VWA5A: variants seen among roughly 807,000 people sequenced by gnomAD.
The protein encoded by VWA5A is von Willebrand factor A domain containing 5A, also known as von Willebrand factor A domain-containing protein 5A.
A neutral mutation model predicts 84.6 loss-of-function variants in VWA5A; 77 were observed. The ratio of observed to expected loss-of-function variants is 0.91; its 90% confidence interval spans 0.76 to 1.10. The LOEUF is 1.10. Ranked by LOEUF, VWA5A falls within the 50% of genes least tolerant of loss-of-function variation. The pLI, the probability that VWA5A is intolerant of heterozygous loss-of-function variation, is 0.00. For synonymous variants in VWA5A, 334 were observed against 350.1 expected (o/e 0.95, Z 0.51); for missense variants, 973 against 963.0 (o/e 1.01, Z -0.14).
chr11:124,131,889 T>C (rs1484359369), intron 11 of VWA5A, among the ~76,000 whole-genome samples: 2 of 151,978 alleles, frequency 1.3e-5, no homozygotes, highest in African/African-American at 4.8e-5. Flanking sequence ...CTTATTTTAT[T>C]CTGGACCTCA....
At chr11:124,124,535 A>T (rs991685066) in intron 11 of VWA5A, 1 of 1,289,984 alleles carries the variant, frequency 7.8e-7, no homozygotes, top group Non-Finnish European at 9.8e-7. Flanking sequence ...TTCTTTCTAA[A>T]CTACAACGAA....
intron 18 of VWA5A, 92 bp from the exon 19 acceptor site, chr11:124,145,773 TA>T: frequency 7.6e-7 from 1 of 1,317,234 alleles, no homozygotes; most frequent in Non-Finnish European, 1.0e-6. Flanking sequence ...TGAGGACAGA[TA>T]AAAGCACAAC....
At chr11:124,145,526 T>A (rs1239825888) in intron 18 of VWA5A, among the ~76,000 whole-genome samples, 163 bp downstream of exon 18, 3 of 151,512 alleles carry the variant, frequency 2.0e-5, no homozygotes, top group Non-Finnish European at 4.4e-5. Flanking sequence ...AAATATTAAA[T>A]TGGGGACAAG....
At chr11:124,136,532 A>G in intron 13 of VWA5A, 42 bp from the exon 14 acceptor site, 1 of 1,590,438 alleles carries the variant, frequency 6.3e-7, no homozygotes, top group African/African-American at 1.3e-5. Context: ...GATGATCAGA[A>G]CATTACATGT....
chr11:124,145,225 T>C lies in VWA5A; in HGVS notation c.2155-12T>C. 6.2e-7 allele frequency: 1 copy of C among 1,608,118 alleles called. No homozygotes were observed. Among genetic ancestry groups the C allele is most frequent in the Non-Finnish European group, 8.5e-7 (1 of 1,177,078 alleles). On this transcript the variant is annotated splice_polypyrimidine_tract_variant and intron_variant, in intron 17 of 18. Transcript: ENST00000456829. ...TTCCTGTGCCAACTGGAGCTCTCTA[T>C]CTACTGTGCAGCTTGTGGATTCCTC...
In VWA5A at chr11:124,123,137, T is replaced by G; in HGVS notation, c.930+8T>G. ...CGAATACAGGCAGCCAAGGTAAAGC[T>G]AGTTTCTTTCCTCTTCTGGGTCACA... On this transcript the variant is annotated splice_region_variant and intron_variant, in intron 8 of 18. Transcript: ENST00000456829. 6.2e-7 allele frequency: 1 copy of G among 1,608,394 alleles called. No individual in the cohort carries two copies. Among genetic ancestry groups the G allele is most frequent in the Non-Finnish European group, 8.5e-7 (1 of 1,178,306 alleles).
In VWA5A at chr11:124,136,637, A is replaced by G; in HGVS notation, c.1588A>G (p.Lys530Glu). The G allele has an allele frequency of 6.2e-7, 1 of 1,614,090 alleles. No individual in the cohort carries two copies. The highest frequency in any genetic ancestry group is 8.5e-7 in the Non-Finnish European group (1 of 1,180,010). The change falls in exon 14 of 19, where the codon AAG becomes GAG. Residue 530 changes from lysine (K) to glutamate (E), a missense_variant. Coordinates refer to ENST00000456829, the MANE Select transcript of VWA5A (RefSeq NM_001130142.2). ...YTLQGKTFED[K>E]VTFPLQPKPD... ...ACTCCAGGGCAAGACTTTTGAGGATAAGGTGACATTTCCTCTACAACCCAA... is the reference window on the plus strand; with the variant it reads ...ACTCCAGGGCAAGACTTTTGAGGATGAGGTGACATTTCCTCTACAACCCAA...
rs770421218 is a variant in VWA5A at position 124,123,456 on chromosome 11, T to A, written c.1019+2T>A. 6.2e-7 allele frequency: 1 copy of A among 1,613,718 alleles called. No homozygotes were observed. The highest frequency in any genetic ancestry group is 8.5e-7 in the Non-Finnish European group (1 of 1,179,760). On this transcript the variant is annotated splice_donor_variant, in intron 9 of 18. Coordinates refer to ENST00000456829, the MANE Select transcript of VWA5A (RefSeq NM_001130142.2). LOFTEE classifies it high-confidence loss of function. ...CTCTTCCTATGAGGCATGCTTTCCG[T>A]AAGTTTCTGGAAAGACAATAGGGAG...
At chr11:124,133,946 T>G (rs991582352) in intron 11 of VWA5A, among the ~76,000 whole-genome samples, 1 of 152,240 alleles carries the variant, frequency 6.6e-6, no homozygotes, top group Non-Finnish European at 1.5e-5. Flanking sequence ...GGTCTGTCAC[T>G]TTGTTGCCTA....
chr11:124,124,209 C>A (rs754205294), intron 10 of VWA5A, 28 bp from the exon 11 acceptor site: 1 of 1,604,730 alleles, frequency 6.2e-7, no homozygotes, highest in East Asian at 2.2e-5. Flanking sequence ...TGACAAAGAC[C>A]TGATGAACAT....
intron 15 of VWA5A, among the ~76,000 whole-genome samples, chr11:124,138,788 C>T (rs1311202954): frequency 6.6e-6 from 1 of 152,082 alleles, no homozygotes; most frequent in African/African-American, 2.4e-5. Context: ...GAGGTAACCT[C>T]GTTTATCTAT....
At chr11:124,136,820 T>G in intron 14 of VWA5A, 146 bp downstream of exon 14, 1 of 975,668 alleles carries the variant, frequency 1.0e-6, no homozygotes, top group Non-Finnish European at 1.5e-6. Context: ...GGGGATTAGA[T>G]TTCTTCTCTT....
Position 124,118,287 on chromosome 11 carries a change from T to C in VWA5A, c.345T>C (p.Gly115=), listed in dbSNP as rs780239065. The change falls in exon 5 of 19, where the codon GGT becomes GGC. Residue 115 remains glycine (G), a synonymous_variant. Transcript: ENST00000456829. ...SSRDVFSCNV[G]NLQPGSKAAV... The stretch of plus-strand genomic sequence containing the variant: ...GGGATGTCTTCTCTTGCAATGTGGG[T>C]AACCTCCAACCTGGGTCGAAGGCGG... The C allele has an allele frequency of 6.8e-6, 11 of 1,614,040 alleles. No individual in the cohort carries two copies. Among genetic ancestry groups the C allele is most frequent in the Admixed American group, 3.3e-5 (2 of 60,000 alleles).
rs368651797 is a variant in VWA5A, at chr11:124,145,867, C to T, written c.2283C>T (p.Gly761=). ...GCTTCTTGTTTTTCCTCACCACAGG[C>T]TCCACCATGCCTTCGGTTGTGAAAG... ...KAVAWMRAHA[G]STMPSVVKAA... The change falls in exon 19 of 19, where the codon GGC becomes GGT. Residue 761 remains glycine (G), a splice_region_variant and synonymous_variant. Coordinates refer to ENST00000456829, the MANE Select transcript of VWA5A (RefSeq NM_001130142.2). 3.8e-5 allele frequency: 60 copies of T among 1,576,690 alleles called. No individual in the cohort carries two copies. In the African/African-American group the frequency reaches 7.0e-4, roughly 18 times the overall value.
At chr11:124,135,773 G>C (rs969957186) in intron 12 of VWA5A, among the ~76,000 whole-genome samples, 6 of 151,488 alleles carry the variant, frequency 4.0e-5, no homozygotes, top group African/African-American at 7.3e-5. Flanking sequence ...CTCGTGATCC[G>C]CCCGCCTCGG....
In VWA5A at chr11:124,118,303, T is replaced by A; in HGVS notation, c.361T>A (p.Ser121Thr). 1 of 1,614,094 alleles carries A rather than the reference T, an allele frequency of 6.2e-7. No individual in the cohort carries two copies. The highest frequency in any genetic ancestry group is 8.5e-7 in the Non-Finnish European group (1 of 1,180,028). The change falls in exon 5 of 19, where the codon TCG becomes ACG. Residue 121 changes from serine to threonine, a missense_variant. Physicochemically the swap from Ser to Thr is moderately conservative, Grantham distance 58. Coordinates refer to ENST00000456829, the MANE Select transcript of VWA5A (RefSeq NM_001130142.2). ...SCNVGNLQPG[S>T]KAAVTLKYVQ... is the part of the protein sequence containing the mutation. ...CAATGTGGGTAACCTCCAACCTGGG[T>A]CGAAGGCGGCAGTCACCCTGAAGTA...
intron 10 of VWA5A, 87 bp from the exon 11 acceptor site, chr11:124,124,150 G>T: frequency 7.7e-7 from 1 of 1,301,780 alleles, no homozygotes; most frequent in Non-Finnish European, 1.1e-6. Flanking sequence ...CCTCTGCAAT[G>T]AAATAGGTGG....
chr11:124,140,531 G>A (rs968990949), intron 15 of VWA5A, among the ~76,000 whole-genome samples: 2 of 152,026 alleles, frequency 1.3e-5, no homozygotes, highest in African/African-American at 4.8e-5. Flanking sequence ...TAGTGTGATT[G>A]TAGTTCACTG....
chr11:124,140,602 T>C (rs1860708052), intron 15 of VWA5A, among the ~76,000 whole-genome samples: 1 of 152,082 alleles, frequency 6.6e-6, no homozygotes, highest in Admixed American at 6.6e-5. Context: ...TAGGTAGGAC[T>C]CTAGACATGC....
Sources: allele counts gnomAD v4.1 joint callset (sites outside exome capture counted in the v4.1 genomes callset), GRCh38; gene constraint gnomAD v4.1.1; transcripts MANE v1.5; gene names NCBI Gene and HGNC (gene_info 2026-07-23, HGNC 2026-07-21).